Variants in SMC1A observed in about 807,000 individuals in gnomAD.
The protein encoded by SMC1A is structural maintenance of chromosomes protein 1A.
In SMC1A, 4 loss-of-function variants were observed where a neutral mutation model predicts 94.5. The ratio of observed to expected loss-of-function variants is 0.04; its 90% CI spans 0.02 to 0.10. The LOEUF is 0.10. Ranked by LOEUF, SMC1A falls within the 10% of genes least tolerant of loss-of-function variation. The pLI, the probability that SMC1A is intolerant of heterozygous loss-of-function variation, is 1.00. For synonymous variants in SMC1A, 345 were observed against 347.7 expected (o/e 0.99, Z 0.09); for missense variants, 304 against 989.0 (o/e 0.31, Z 9.29).
At position 53,415,188 on chromosome X, in the gene SMC1A, G is replaced by A. The variant is rs782216018; in HGVS notation, c.110-19C>T. Reference sequence around the variant, plus strand: ...GACTTACCTAAGGGAAGAGGGACGAGGCAGTAGAGGGAAAGTCAGGATGAA... The same window carrying A: ...GACTTACCTAAGGGAAGAGGGACGAAGCAGTAGAGGGAAAGTCAGGATGAA... On this transcript the variant is annotated intron_variant, in intron 1 of 24. Transcript: ENST00000322213. 8.6e-7 allele frequency: 1 copy of A among 1,168,614 alleles called. No individual in the cohort carries two copies. The highest frequency in any genetic ancestry group is 1.8e-5 in the South Asian group (1 of 55,939).
At chrX:53,422,117 C>A in intron 1 of SMC1A, 1 of 1,084,108 alleles carries the variant, frequency 9.2e-7, no homozygotes, top group South Asian at 2.1e-5. Flanking sequence ...CGGAGGGGGT[C>A]AAGTAAGGCT....
chrX:53,382,476 C>A, intron 21 of SMC1A, 30 bp downstream of exon 21: 3 of 1,204,857 alleles, frequency 2.5e-6, no homozygotes, highest in Non-Finnish European at 3.4e-6. Context: ...AGGATGGTAG[C>A]AGCTGGTTGG....
chrX:53,399,088 A>G (rs1556888460), intron 16 of SMC1A, among the ~76,000 whole-genome samples: 1 of 110,791 alleles, frequency 9.0e-6, no homozygotes. Flanking sequence ...AAATACAAAA[A>G]TTAGCTGGGC....
At chrX:53,394,731 T>TTG in intron 19 of SMC1A, 47 bp downstream of exon 19, 5 of 416,208 alleles carry the variant, frequency 1.2e-5, no homozygotes, top group East Asian at 4.6e-5. Flanking sequence ...ATAGTCCCAC[T>TTG]CCCACCCAAC....
At chrX:53,394,466 G>A (rs1386843009) in intron 19 of SMC1A, among the ~76,000 whole-genome samples, 2 of 111,616 alleles carry the variant, frequency 1.8e-5, no homozygotes, top group African/African-American at 6.5e-5. Flanking sequence ...TCACTGTACT[G>A]AAGTCTCTTC....
rs1556885688 is a variant in SMC1A, at chrX:53,380,057, A to G, written c.*46T>C. The stretch of plus-strand genomic sequence containing the variant: ...GAGTCAAATATCCAGAGATTGGGAG[A>G]GGGACAGCTTAGGGATCCAGACAGG... On this transcript the variant is annotated 3_prime_UTR_variant, in exon 25 of 25. Transcript: ENST00000322213. 2.2e-6 allele frequency: 2 copies of G among 913,168 alleles called. No individual in the cohort carries two copies. The highest frequency in any genetic ancestry group is 4.0e-5 in the South Asian group (2 of 49,828). The allele number at this position is 913,168 out of a possible 1,213,427, so 75.3% of individuals were successfully genotyped here.
intron 22 of SMC1A, chrX:53,381,987 G>A (rs2075585107): frequency 4.6e-6 from 2 of 435,956 alleles, no homozygotes; most frequent in Non-Finnish European, 8.0e-6. Flanking sequence ...GTGAGCAAAA[G>A]CCTGGAGGCG....
At chrX:53,385,468 G>A (rs906631055) in intron 19 of SMC1A, among the ~76,000 whole-genome samples, 12 of 108,000 alleles carry the variant, frequency 1.1e-4, no homozygotes, top group African/African-American at 4.0e-4. Flanking sequence ...TAGAGACGGG[G>A]TTTCACCGTG....
chrX:53,399,489 A>G, intron 16 of SMC1A, 100 bp downstream of exon 16: 1 of 830,465 alleles, frequency 1.2e-6, no homozygotes, highest in Admixed American at 2.4e-5. Flanking sequence ...GATTTAGATG[A>G]GAAATTTCTA....
At position 53,380,638 on chromosome X, in the gene SMC1A, G is replaced by A; in HGVS notation, c.3600C>T (p.Leu1200=). 2 of 1,199,731 alleles carry A rather than the reference G, an allele frequency of 1.7e-6. No homozygotes were observed. The highest frequency in any genetic ancestry group is 2.3e-6 in the Non-Finnish European group (2 of 884,722). The part of the protein sequence containing the change: ...KEEFYTKAES[L]IGVYPEQGDC... ...GCCCTACCTCAGGATAGACTCCAATGAGGCTCTCGGCCTTGGTGTAGAACT... is the reference window on the plus strand; with the variant it reads ...GCCCTACCTCAGGATAGACTCCAATAAGGCTCTCGGCCTTGGTGTAGAACT... The change falls in exon 24 of 25, where the codon CTC becomes CTT. Residue 1200 remains leucine, a synonymous_variant. Transcript: ENST00000322213.
In SMC1A at chrX:53,377,378, G is replaced by A. The variant is rs1235303991; in HGVS notation, c.*2725C>T. 8.9e-6 allele frequency: 1 copy of A among 112,119 alleles called. No individual in the cohort carries two copies. Among genetic ancestry groups the A allele is most frequent in the Admixed American group, 9.5e-5 (1 of 10,515 alleles). 9.2% of individuals were successfully genotyped at this position (112,119 alleles called of 1,213,427 possible). A position where few individuals can be genotyped will look rare whatever the true frequency, so the allele number is the denominator to read the frequency against. Reference sequence around the variant, plus strand: ...GTTATTATCCATGCTGGCTGAATCAGATTTCCAGAGGTGGGACCAGAGCAA... The same window carrying A: ...GTTATTATCCATGCTGGCTGAATCAAATTTCCAGAGGTGGGACCAGAGCAA... On this transcript the variant is annotated 3_prime_UTR_variant, in exon 25 of 25. Coordinates refer to ENST00000322213, the MANE Select transcript of SMC1A (RefSeq NM_006306.4).
chrX:53,389,997 G>A (rs1288146253), intron 19 of SMC1A, among the ~76,000 whole-genome samples: 1 of 104,534 alleles, frequency 9.6e-6, no homozygotes, highest in East Asian at 3.1e-4. Context: ...CTACAGGCAC[G>A]TGCCACCACG....
At chrX:53,399,934 T>C (rs2075665144) in intron 15 of SMC1A, among the ~76,000 whole-genome samples, 1 of 111,464 alleles carries the variant, frequency 9.0e-6, no homozygotes, top group South Asian at 3.7e-4. Context: ...TTCCTCAGCC[T>C]AGCCCTGTGG....
intron 19 of SMC1A, among the ~76,000 whole-genome samples, chrX:53,386,062 T>G (rs1381507646): frequency 8.9e-6 from 1 of 111,970 alleles, no homozygotes; most frequent in East Asian, 2.8e-4. Flanking sequence ...CCTGGAGGGA[T>G]GCCACATCAA....
At chrX:53,408,975 G>T in intron 9 of SMC1A, 87 bp downstream of exon 9, 1 of 913,076 alleles carries the variant, frequency 1.1e-6, no homozygotes, top group South Asian at 2.0e-5. Context: ...AAATGGGATT[G>T]GCAACCCTGT....
At position 53,377,033 on chromosome X, in the gene SMC1A, G is replaced by A. The variant is rs1377252864; in HGVS notation, c.*3070C>T. 3 of 112,074 alleles carry A rather than the reference G, an allele frequency of 2.7e-5. No individual in the cohort carries two copies. Among genetic ancestry groups the A allele is most frequent in the South Asian group, 7.4e-4 (2 of 2,703 alleles). The allele number at this position is 112,074 out of a possible 1,213,427, so 9.2% of individuals were successfully genotyped here. ...CCAACAAGCCCTAGGGAATCTACTCGGATCCAGCTTGCTCTTGGAAACACT... is the reference window on the plus strand; with the variant it reads ...CCAACAAGCCCTAGGGAATCTACTCAGATCCAGCTTGCTCTTGGAAACACT... On this transcript the variant is annotated 3_prime_UTR_variant, in exon 25 of 25. Coordinates refer to ENST00000322213, the MANE Select transcript of SMC1A (RefSeq NM_006306.4).
chrX:53,416,310 A>AT (rs1556891299), intron 1 of SMC1A, among the ~76,000 whole-genome samples: 7 of 106,554 alleles, frequency 6.6e-5, no homozygotes, highest in African/African-American at 2.4e-4. Flanking sequence ...CTCAAAAAAA[A>AT]AAAATAAAAT....
At chrX:53,392,865 T>C (rs2146591049) in intron 19 of SMC1A, among the ~76,000 whole-genome samples, 1 of 112,162 alleles carries the variant, frequency 8.9e-6, no homozygotes, top group South Asian at 3.7e-4. Flanking sequence ...AATTCTGGTT[T>C]TTGTTTCCAC....
chrX:53,409,233 C>T lies in SMC1A; in HGVS notation c.1374G>A (p.Glu458=). ...SLEEQKKLEG[E]LTEEVEMAKR... is the part of the protein sequence containing the mutation. ...TGGCCATCTCCACCTCCTCTGTCAG[C>T]TCCCCCTCTAGCTTCTTCTGCTCTT... is the stretch of plus-strand genomic sequence containing the variant. The change falls in exon 9 of 25, where the codon GAG becomes GAA. Residue 458 remains glutamate, a synonymous_variant. Transcript: ENST00000322213. 2 of 1,209,869 alleles carry T rather than the reference C, an allele frequency of 1.7e-6. No individual in the cohort carries two copies. The highest frequency in any genetic ancestry group is 1.8e-5 in the South Asian group (1 of 56,711).
Sources: gnomAD v4.1 joint callset for allele counts (sites outside exome capture counted in the v4.1 genomes callset) on GRCh38, gnomAD v4.1.1 for gene constraint, MANE v1.5 for transcripts, NCBI Gene and HGNC (gene_info 2026-07-23, HGNC 2026-07-21) for gene names.